The following BSCL2 variants were observed in gnomAD, a reference collection of about 807,000 sequenced individuals.
BSCL2 encodes BSCL2 lipid droplet biogenesis associated, seipin.
Under a neutral mutation model 57.4 loss-of-function variants are expected in BSCL2, and 41 were observed. That is an observed-to-expected ratio of 0.71 (90% CI 0.56 to 0.93). The LOEUF (loss-of-function observed/expected upper bound fraction) is 0.93, where lower values mean the gene tolerates loss of function less well. BSCL2 is among the 40% of genes least tolerant of loss of function. The pLI is 0.00. For missense variants in BSCL2, 539 were observed against 586.7 expected, an observed-to-expected ratio of 0.92 and a Z score of 0.84; for synonymous variants, 237 against 227.3, an observed-to-expected ratio of 1.04 and a Z score of -0.38.
Position 62,703,978 on chromosome 11 carries a change from A to G in BSCL2, c.404+1323T>C, listed in dbSNP as rs543813335. On this transcript the variant is annotated intron_variant, in intron 2 of 10. Coordinates refer to ENST00000360796, the MANE Select transcript of BSCL2 (RefSeq NM_001122955.4). Reference sequence around the variant, plus strand: ...CTAAAAATACAAAAAAAAATTAGCCAGGTGTGGTGGCAGGCACCTGTAATC... The same window carrying G: ...CTAAAAATACAAAAAAAAATTAGCCGGGTGTGGTGGCAGGCACCTGTAATC... Among the ~76,000 whole-genome samples the G allele has an allele frequency of 5.0e-4, 76 of 150,968 alleles. 4 individuals carry two copies. The South Asian group carries it at 0.016, about 31-fold the overall frequency.
intron 7 of BSCL2, 24 bp from the exon 8 acceptor site, chr11:62,691,165 A>G (rs1945299339): frequency 6.2e-7 from 1 of 1,614,086 alleles, no homozygotes; most frequent in South Asian, 1.1e-5. Flanking sequence ...ACTACTGAGC[A>G]GCCAGGACTG....
upstream of BSCL2, chr11:62,707,669 G>A: frequency 4.7e-6 from 2 of 424,966 alleles, no homozygotes; most frequent in Non-Finnish European, 8.8e-6. Context: ...CAGGATCTGA[G>A]CAGCTCCTTC....
At position 62,700,596 on chromosome 11, in the gene BSCL2, G is replaced by A. The variant is rs560156856; in HGVS notation, c.486+1872C>T. On this transcript the variant is annotated intron_variant, in intron 3 of 10. Coordinates refer to ENST00000360796, the MANE Select transcript of BSCL2 (RefSeq NM_001122955.4). ...GCAGAGGTTGCAGCGAGCCAAGATC[G>A]TGCCATTGCACTGTAGCCTGGGCGA... is the stretch of plus-strand genomic sequence containing the variant. Among the ~76,000 whole-genome samples the A allele has an allele frequency of 9.2e-5, 14 of 152,274 alleles. No individual in the cohort carries two copies. In the South Asian group the frequency reaches 1.4e-3, roughly 16 times the overall value.
chr11:62,701,536 T>C (rs1945638194), intron 3 of BSCL2, among the ~76,000 whole-genome samples: 1 of 152,164 alleles, frequency 6.6e-6, no homozygotes, highest in African/African-American at 2.4e-5. Flanking sequence ...TATTGAATGC[T>C]GTACTGAACG....
At chr11:62,708,401 G>C, upstream of BSCL2, 1 of 1,599,546 alleles carries the variant, frequency 6.3e-7, no homozygotes, top group Non-Finnish European at 8.6e-7. Flanking sequence ...AAAGGTAGGT[G>C]GGACCCTGGC....
chr11:62,705,226 G>T, intron 2 of BSCL2, 75 bp downstream of exon 2: 2 of 1,419,936 alleles, frequency 1.4e-6, no homozygotes, highest in African/African-American at 1.4e-5. Flanking sequence ...TAAATGAGGG[G>T]ATTGAACTGA....
upstream of BSCL2, chr11:62,709,511 T>C (rs1279367206): frequency 2.2e-6 from 1 of 453,454 alleles, no homozygotes; most frequent in Non-Finnish European, 4.4e-6. Flanking sequence ...GAGGAACTCT[T>C]AGGAGGGTAG....
upstream of BSCL2, chr11:62,709,342 G>C (rs1485733248): frequency 2.2e-6 from 1 of 453,950 alleles, no homozygotes; most frequent in Non-Finnish European, 4.4e-6. Flanking sequence ...TGGCGGGCGC[G>C]AGAGAGCGTC....
intron 2 of BSCL2, among the ~76,000 whole-genome samples, chr11:62,703,749 G>A (rs1945721572): frequency 6.6e-6 from 1 of 151,942 alleles, no homozygotes; most frequent in Admixed American, 6.6e-5. Flanking sequence ...AGGGACTTAA[G>A]GGAAAAAATG....
chr11:62,692,768 G>A lies in BSCL2; in HGVS notation c.660C>T (p.Leu220=), dbSNP rs950978890. 6.2e-7 allele frequency: 1 copy of A among 1,613,744 alleles called. No homozygotes were observed. Among genetic ancestry groups the A allele is most frequent in the Non-Finnish European group, 8.5e-7 (1 of 1,180,030 alleles). ...SVMLHYRSDL[L]QMLDTLVFSS... ...AGAAGACCAGTGTGTCCAGCATCTG[G>A]AGCAGGTCTGAGCGGTAATGCAGCA... is the stretch of plus-strand genomic sequence containing the variant. The change falls in exon 5 of 11, where the codon CTC becomes CTT. Residue 220 remains leucine (L), a synonymous_variant. Transcript: ENST00000360796.
intron 3 of BSCL2, among the ~76,000 whole-genome samples, chr11:62,697,855 A>G (rs1018044033): frequency 1.9e-4 from 29 of 151,122 alleles, no homozygotes; most frequent in African/African-American, 7.0e-4. Context: ...AGACTATCCC[A>G]GACAACACTG....
chr11:62,693,601 T>A (rs988880270), intron 4 of BSCL2, among the ~76,000 whole-genome samples: 12 of 152,306 alleles, frequency 7.9e-5, no homozygotes, highest in African/African-American at 2.9e-4. Flanking sequence ...CAGTTACTAT[T>A]ATACCCATTT....
upstream of BSCL2, chr11:62,709,233 A>C (rs1166233710): frequency 2.2e-6 from 1 of 455,086 alleles, no homozygotes; most frequent in South Asian, 1.6e-5. Flanking sequence ...TCTTGGGGGG[A>C]GAGGATCATC....
Position 62,707,144 on chromosome 11 carries a change from A to C in BSCL2, c.52T>G (p.Cys18Gly). The C allele has an allele frequency of 6.4e-7, 1 of 1,554,176 alleles. No homozygotes were observed. Among genetic ancestry groups the C allele is most frequent in the Non-Finnish European group, 8.7e-7 (1 of 1,147,818 alleles). Reference sequence around the variant, plus strand: ...TCCGGTCCTTTGATCTGGTCTCCGCACACCTCTTTTTCCCCAGCTTCCTCC... The same window carrying C: ...TCCGGTCCTTTGATCTGGTCTCCGCCCACCTCTTTTTCCCCAGCTTCCTCC... ...QKEEAGEKEV[C>G]GDQIKGPDKE... Residue 18 changes from cysteine (C) to glycine (G), a missense_variant, in exon 1 of 11, where the codon TGC (cysteine) becomes GGC (glycine). Coordinates refer to ENST00000360796, the MANE Select transcript of BSCL2 (RefSeq NM_001122955.4).
intron 3 of BSCL2, among the ~76,000 whole-genome samples, chr11:62,696,278 TTGTGTGTGTGTG>T (rs1197051764): frequency 7.3e-6 from 1 of 136,228 alleles, no homozygotes; most frequent in Non-Finnish European, 1.6e-5. Flanking sequence ...CATAAACTTT[TTGTGTGTGTGTG>T]TGTGTGTGTG....
intron 3 of BSCL2, among the ~76,000 whole-genome samples, chr11:62,695,770 TACCTCCAAA>T (rs929244302): frequency 2.0e-5 from 3 of 147,368 alleles, no homozygotes; most frequent in African/African-American, 7.5e-5. Flanking sequence ...CATAGTGAAC[TACCTCCAAA>T]ACATGGGTTC....
intron 2 of BSCL2, among the ~76,000 whole-genome samples, chr11:62,704,846 C>T (rs1405183288): frequency 6.6e-6 from 1 of 152,188 alleles, no homozygotes; most frequent in Non-Finnish European, 1.5e-5. Flanking sequence ...GTTTATGCGC[C>T]TACTCATCTT....
Position 62,690,404 on chromosome 11 carries a change from C to G in BSCL2, c.1352G>C (p.Gly451Ala), listed in dbSNP as rs779952369. Residue 451 changes from glycine (G) to alanine (A), a missense_variant, in exon 11 of 11, where the codon GGT becomes GCT. Coordinates refer to ENST00000360796, the MANE Select transcript of BSCL2 (RefSeq NM_001122955.4). Reference sequence around the variant, plus strand: ...GCAGGTGGGGCGCTGTCGGAGAGCACCCCCAGCAGGTTCAGAGCTGCCCAG... The same window carrying G: ...GCAGGTGGGGCGCTGTCGGAGAGCAGCCCCAGCAGGTTCAGAGCTGCCCAG... The part of the protein sequence containing the change: ...ETLGSSEPAG[G>A]ALRQRPTCSS... The G allele has an allele frequency of 9.3e-6, 15 of 1,614,100 alleles. No homozygotes were observed. The highest frequency in any genetic ancestry group is 1.3e-5 in the Non-Finnish European group (15 of 1,180,028).
At chr11:62,694,808 A>C in intron 3 of BSCL2, 97 bp from the exon 4 acceptor site, 3 of 1,392,786 alleles carry the variant, frequency 2.2e-6, no homozygotes, top group Non-Finnish European at 3.0e-6. Flanking sequence ...ACGCCCCCAA[A>C]TACTCAGCCA....
Sources: gnomAD v4.1 joint callset for allele counts (sites outside exome capture counted in the v4.1 genomes callset) on GRCh38, gnomAD v4.1.1 for gene constraint, MANE v1.5 for transcripts, NCBI Gene and HGNC (gene_info 2026-07-23, HGNC 2026-07-21) for gene names.